MAP4K5: variants seen among roughly 807,000 people sequenced by gnomAD.
The protein encoded by MAP4K5 is mitogen-activated protein kinase kinase kinase kinase 5.
Under a neutral mutation model 135.6 loss-of-function variants are expected in MAP4K5, and 82 were observed. That is an observed-to-expected ratio of 0.60 (90% confidence interval 0.51 to 0.73). The LOEUF is 0.73. Ranked by LOEUF, MAP4K5 falls within the 30% of genes least tolerant of loss-of-function variation. The pLI is 0.00. For missense variants in MAP4K5, 907 were observed against 1,010.9 expected (o/e 0.90, Z 1.39); for synonymous variants, 347 against 335.0 (o/e 1.04, Z -0.39).
intron 2 of MAP4K5, among the ~76,000 whole-genome samples, chr14:50,508,150 T>C (rs1002711987): frequency 1.3e-5 from 2 of 152,192 alleles, no homozygotes; most frequent in Admixed American, 6.5e-5. Context: ...GTCTGTTTTA[T>C]CAGAGACTAG....
chr14:50,554,047 A>G (rs1281505619), intron 1 of MAP4K5, among the ~76,000 whole-genome samples: 3 of 152,108 alleles, frequency 2.0e-5, no homozygotes, highest in African/African-American at 4.8e-5. Context: ...AATCACCACT[A>G]AAGAACTTAT....
chr14:50,478,348 G>C (rs1041820966), intron 6 of MAP4K5, among the ~76,000 whole-genome samples: 81 of 152,024 alleles, frequency 5.3e-4, no homozygotes, highest in African/African-American at 1.9e-3. Flanking sequence ...TCATCTCAAA[G>C]AATCAGATTT....
intron 3 of MAP4K5, among the ~76,000 whole-genome samples, chr14:50,492,550 C>T (rs376016130): frequency 5.4e-5 from 8 of 149,028 alleles, no homozygotes; most frequent in African/African-American, 2.0e-4. Flanking sequence ...GCTATGATCA[C>T]CACTGCACTC....
chr14:50,510,505 T>C (rs935540891), intron 2 of MAP4K5, among the ~76,000 whole-genome samples: 3 of 152,212 alleles, frequency 2.0e-5, no homozygotes, highest in African/African-American at 7.2e-5. Context: ...GTAGATGCTC[T>C]ACAAATTTGT....
intron 14 of MAP4K5, among the ~76,000 whole-genome samples, chr14:50,451,699 A>C (rs1345679664): frequency 6.6e-6 from 1 of 151,966 alleles, no homozygotes; most frequent in Non-Finnish European, 1.5e-5. Flanking sequence ...CTGTCAATAT[A>C]GGCTTTTATT....
chr14:50,521,008 A>G (rs1021500240), intron 2 of MAP4K5, among the ~76,000 whole-genome samples: 1 of 152,022 alleles, frequency 6.6e-6, no homozygotes, highest in Non-Finnish European at 1.5e-5. Context: ...TTTTTCGTAG[A>G]CAGGGTTTCA....
chr14:50,529,755 C>A (rs935400701), intron 2 of MAP4K5, among the ~76,000 whole-genome samples: 13 of 151,732 alleles, frequency 8.6e-5, no homozygotes, highest in South Asian at 4.2e-4. Context: ...TAGTGGGGGG[C>A]GGTGGTGAAG....
At chr14:50,487,240 G>A (rs551620937) in intron 3 of MAP4K5, among the ~76,000 whole-genome samples, 97 of 152,280 alleles carry the variant, frequency 6.4e-4, no homozygotes, top group South Asian at 1.9e-3. Flanking sequence ...CCTGGGAGGC[G>A]GAGGTCGCAG....
chr14:50,534,587 G>A (rs1267498386), upstream of MAP4K5, among the ~76,000 whole-genome samples: 5 of 152,246 alleles, frequency 3.3e-5, no homozygotes, highest in African/African-American at 4.8e-5. Context: ...AGACCCTGGA[G>A]TGCGGATATT....
rs998221537 is a variant in MAP4K5, at chr14:50,454,924, G to C, written c.1015+1592C>G. ...TGTGTGTGTTGTGGGGAGGGGCAGA[G>C]AGTAGGAGTAGGATTAGTTCTAACA... On this transcript the variant is annotated intron_variant, in intron 14 of 32. Transcript: ENST00000682126. Among the ~76,000 whole-genome samples the C allele has an allele frequency of 1.3e-4, 20 of 152,006 alleles. No homozygotes were observed. The South Asian group carries it at 4.2e-3, about 32-fold the overall frequency.
intron 28 of MAP4K5, among the ~76,000 whole-genome samples, chr14:50,430,411 C>T (rs1391647156): frequency 6.6e-6 from 1 of 152,218 alleles, no homozygotes; most frequent in Non-Finnish European, 1.5e-5. Flanking sequence ...AAGCTTAGGG[C>T]ACTGAGACAG....
At chr14:50,504,014 T>C (rs2037759815) in intron 3 of MAP4K5, among the ~76,000 whole-genome samples, 1 of 152,070 alleles carries the variant, frequency 6.6e-6, no homozygotes, top group Non-Finnish European at 1.5e-5. Context: ...AAAAAGATAC[T>C]GGGACATATC....
intron 3 of MAP4K5, among the ~76,000 whole-genome samples, chr14:50,490,705 C>A (rs560314572): frequency 6.6e-6 from 1 of 152,150 alleles, no homozygotes; most frequent in Non-Finnish European, 1.5e-5. Flanking sequence ...AAAGATACAG[C>A]CTTAGTATCT....
At chr14:50,543,571 T>C (rs781775083) in intron 1 of MAP4K5, among the ~76,000 whole-genome samples, 29 of 152,318 alleles carry the variant, frequency 1.9e-4, no homozygotes, top group Admixed American at 3.3e-4. Context: ...AATTAACTGA[T>C]CTTACCCATC....
intron 9 of MAP4K5, among the ~76,000 whole-genome samples, chr14:50,473,715 ACTT>A (rs1357151075): frequency 2.9e-5 from 3 of 104,724 alleles, no homozygotes; most frequent in Non-Finnish European, 5.5e-5. Flanking sequence ...TTTTGGTTTC[ACTT>A]TTTTTTTTTT....
intron 3 of MAP4K5, among the ~76,000 whole-genome samples, chr14:50,496,151 C>T (rs1264780088): frequency 6.6e-6 from 1 of 151,806 alleles, no homozygotes; most frequent in Admixed American, 6.6e-5. Context: ...ATGGTGAAAC[C>T]CTGTCTCTAC....
chr14:50,475,454 T>C (rs2037074982), intron 8 of MAP4K5, among the ~76,000 whole-genome samples: 1 of 151,962 alleles, frequency 6.6e-6, no homozygotes, highest in African/African-American at 2.4e-5. Context: ...ATAAAACACA[T>C]GGGAGAAACA....
At position 50,427,887 on chromosome 14, in the gene MAP4K5, A is replaced by G. The variant is rs1037751622; in HGVS notation, c.2326+775T>C. 6.6e-5 allele frequency among the ~76,000 whole-genome samples: 10 copies of G among 152,362 alleles called. 1 individual carries two copies. In the East Asian group the frequency reaches 1.9e-3, roughly 29 times the overall value. Reference sequence around the variant, plus strand: ...ATATAAAAATAGTTCCAAAAGCAGTAATATCAACACACACCACCCAGAATC... The same window carrying G: ...ATATAAAAATAGTTCCAAAAGCAGTGATATCAACACACACCACCCAGAATC... On this transcript the variant is annotated intron_variant, in intron 30 of 32. Transcript: ENST00000682126.
At chr14:50,514,704 T>A (rs1344422236) in intron 2 of MAP4K5, among the ~76,000 whole-genome samples, 2 of 152,060 alleles carry the variant, frequency 1.3e-5, no homozygotes, top group East Asian at 3.9e-4. Flanking sequence ...TAAGAGATTA[T>A]GGATAGCAAA....
Sources: allele counts gnomAD v4.1 joint callset (sites outside exome capture counted in the v4.1 genomes callset), GRCh38; gene constraint gnomAD v4.1.1; transcripts MANE v1.5; gene names NCBI Gene and HGNC (gene_info 2026-07-23, HGNC 2026-07-21).